HUNK: variants seen among roughly 807,000 people sequenced by gnomAD.
HUNK encodes hormonally up-regulated neu tumor-associated kinase.
Under a neutral mutation model 61.0 loss-of-function variants are expected in HUNK, and 21 were observed. The ratio of observed to expected loss-of-function variants is 0.34; its 90% confidence interval spans 0.24 to 0.50. HUNK has a LOEUF of 0.50. Ranked by LOEUF, HUNK falls within the 20% of genes least tolerant of loss-of-function variation. HUNK has a pLI of 0.98. For synonymous variants in HUNK, 371 were observed against 386.1 expected (o/e 0.96, Z 0.46); for missense variants, 772 against 945.7 (o/e 0.82, Z 2.41).
chr21:31,955,785 A>G (rs1047273789), intron 4 of HUNK, among the ~76,000 whole-genome samples: 26 of 152,248 alleles, frequency 1.7e-4, no homozygotes, highest in African/African-American at 6.0e-4. Flanking sequence ...TTTGAGAAAC[A>G]CTGAATGAGT....
chr21:31,885,294 C>T (rs551734521), intron 1 of HUNK, among the ~76,000 whole-genome samples: 6 of 152,298 alleles, frequency 3.9e-5, no homozygotes, highest in South Asian at 2.1e-4. Flanking sequence ...ACAGTGCATG[C>T]GCCTTGGCAC....
At chr21:31,880,171 C>T (rs966575133) in intron 1 of HUNK, among the ~76,000 whole-genome samples, 3 of 152,214 alleles carry the variant, frequency 2.0e-5, no homozygotes, top group Non-Finnish European at 2.9e-5. Context: ...CCCTCCCGTG[C>T]ACATTCTTGT....
intron 9 of HUNK, among the ~76,000 whole-genome samples, chr21:31,991,041 G>T (rs1016381684): frequency 2.0e-5 from 3 of 152,136 alleles, no homozygotes; most frequent in African/African-American, 7.2e-5. Flanking sequence ...CCTGTTGTGA[G>T]TGAGTTTATC....
intron 2 of HUNK, among the ~76,000 whole-genome samples, chr21:31,938,545 C>G (rs2052747304): frequency 6.6e-6 from 1 of 152,200 alleles, no homozygotes; most frequent in African/African-American, 2.4e-5. Flanking sequence ...AGCTATCGCT[C>G]CTTTTTGTTT....
chr21:31,948,821 A>G (rs2052828428), intron 4 of HUNK, among the ~76,000 whole-genome samples: 1 of 152,168 alleles, frequency 6.6e-6, no homozygotes, highest in Non-Finnish European at 1.5e-5. Context: ...TGAGCTCAGG[A>G]TGTTCCGGTT....
intron 2 of HUNK, among the ~76,000 whole-genome samples, chr21:31,938,828 C>T (rs1043202164): frequency 6.6e-6 from 1 of 152,202 alleles, no homozygotes; most frequent in African/African-American, 2.4e-5. Flanking sequence ...CCTGCATTGG[C>T]AGGCTACAAT....
intron 6 of HUNK, among the ~76,000 whole-genome samples, chr21:31,969,322 G>GC (rs1354273052): frequency 6.6e-6 from 1 of 152,094 alleles, no homozygotes; most frequent in African/African-American, 2.4e-5. Flanking sequence ...GTTTATTTCA[G>GC]CCCTAAGACC....
At chr21:31,884,993 G>T (rs2052335636) in intron 1 of HUNK, among the ~76,000 whole-genome samples, 1 of 151,966 alleles carries the variant, frequency 6.6e-6, no homozygotes, top group Admixed American at 6.6e-5. Flanking sequence ...GGTCAGGCTG[G>T]TCTCGAACTC....
intron 6 of HUNK, among the ~76,000 whole-genome samples, chr21:31,973,741 T>G (rs1209624197): frequency 6.6e-6 from 1 of 152,136 alleles, no homozygotes; most frequent in Non-Finnish European, 1.5e-5. Context: ...GGGCTTTGGT[T>G]TTGTTATCTG....
chr21:31,942,571 C>T (rs2052776207), intron 3 of HUNK, among the ~76,000 whole-genome samples: 1 of 152,170 alleles, frequency 6.6e-6, no homozygotes, highest in South Asian at 2.1e-4. Flanking sequence ...AAATTATACA[C>T]CTAAATCAGA....
At chr21:31,880,085 C>G (rs550082145) in intron 1 of HUNK, among the ~76,000 whole-genome samples, 26 of 152,316 alleles carry the variant, frequency 1.7e-4, no homozygotes, top group African/African-American at 5.1e-4. Flanking sequence ...TCTGTGAATT[C>G]GAGACAGCTG....
intron 8 of HUNK, among the ~76,000 whole-genome samples, chr21:31,987,694 C>T (rs984841991): frequency 2.0e-5 from 3 of 152,234 alleles, no homozygotes; most frequent in Admixed American, 6.5e-5. Context: ...CTCTAAACTG[C>T]AGTGATACTT....
chr21:31,934,942 C>A (rs557129376), intron 2 of HUNK, among the ~76,000 whole-genome samples: 2 of 152,036 alleles, frequency 1.3e-5, no homozygotes, highest in African/African-American at 4.8e-5. Context: ...CGTGTCTTTG[C>A]GGTTGTGAAT....
chr21:32,002,149 C>A lies in HUNK; in HGVS notation c.*2965C>A, dbSNP rs1016625647. 6.6e-6 allele frequency: 1 copy of A among 152,596 alleles called. No homozygotes were observed. The highest frequency in any genetic ancestry group is 2.4e-5 in the African/African-American group (1 of 41,440). The allele number at this position is 152,596 out of a possible 1,614,324, so 9.5% of individuals were successfully genotyped here. On this transcript the variant is annotated 3_prime_UTR_variant, in exon 11 of 11. Transcript: ENST00000270112. ...TCACCCAGGCTGGAGTGCAGTGGCA[C>A]AATCACAGTTCACTGCAGCCTCAAC... is the stretch of plus-strand genomic sequence containing the variant.
At chr21:31,912,659 A>T (rs2052554833) in intron 1 of HUNK, among the ~76,000 whole-genome samples, 1 of 152,084 alleles carries the variant, frequency 6.6e-6, no homozygotes, top group Non-Finnish European at 1.5e-5. Flanking sequence ...TTCCCACGTC[A>T]GCCTCTCAAG....
At position 31,995,768 on chromosome 21, in the gene HUNK, G is replaced by T; in HGVS notation, c.1306G>T (p.Asp436Tyr). The T allele has an allele frequency of 6.2e-7, 1 of 1,613,090 alleles. No individual in the cohort carries two copies. Among genetic ancestry groups the T allele is most frequent in the Middle Eastern group, 1.7e-4 (1 of 6,056 alleles). ...GCATATGTTTGCTTCTGATTTGTAG[G>T]ATAAAAAGCCCAAAGAACAAGAAAA... ...TRDLEFHAVQDKKPKEQEKRG... is the reference protein window; with the variant it reads ...TRDLEFHAVQYKKPKEQEKRG... Residue 436 changes from aspartate to tyrosine, a missense_variant and splice_region_variant, in exon 10 of 11, where the codon GAT becomes TAT. Physicochemically the swap from Asp to Tyr is radical, Grantham distance 160. Coordinates refer to ENST00000270112, the MANE Select transcript of HUNK (RefSeq NM_014586.2).
At chr21:31,925,494 C>A (rs1892650) in intron 2 of HUNK, among the ~76,000 whole-genome samples, 48,750 of 152,042 alleles carry the variant, frequency 0.32, 9,870 homozygotes, top group African/African-American at 0.58. Flanking sequence ...GCATGAGATT[C>A]GTGCTAGGGA....
At chr21:31,940,676 T>C (rs2052763039) in intron 3 of HUNK, among the ~76,000 whole-genome samples, 1 of 152,140 alleles carries the variant, frequency 6.6e-6, no homozygotes, top group African/African-American at 2.4e-5. Flanking sequence ...AAGGGATAAT[T>C]AGAAGTCTGA....
chr21:31,929,813 C>T (rs1223666701), intron 2 of HUNK, among the ~76,000 whole-genome samples: 2 of 152,204 alleles, frequency 1.3e-5, no homozygotes, highest in African/African-American at 2.4e-5. Flanking sequence ...GGGCTCTCTG[C>T]GCTTAAGAGG....
Sources: gnomAD v4.1 joint callset for allele counts (sites outside exome capture counted in the v4.1 genomes callset) on GRCh38, gnomAD v4.1.1 for gene constraint, MANE v1.5 for transcripts, NCBI Gene and HGNC (gene_info 2026-07-23, HGNC 2026-07-21) for gene names.